Variants in UNC13C observed in about 807,000 individuals in gnomAD.
UNC13C encodes the protein protein unc-13 homolog C.
UNC13C carries 174 observed loss-of-function variants against 245.4 expected under a neutral mutation model. The ratio of observed to expected loss-of-function variants is 0.71; its 90% CI spans 0.63 to 0.80. The LOEUF is 0.80. Among genes scored for constraint, UNC13C ranks in the 30% least tolerant of loss-of-function variants. The probability of loss-of-function intolerance (pLI) is 0.00; values close to 1 mark genes in which losing one functional copy is unlikely to be tolerated. For missense variants in UNC13C, 2,829 were observed against 2,602.9 expected (o/e 1.09, Z -1.89); for synonymous variants, 992 against 895.1 (o/e 1.11, Z -1.93).
At chr15:53,995,724 AAAG>A (rs1440916985) in intron 1 of UNC13C, among the ~76,000 whole-genome samples, 1 of 152,138 alleles carries the variant, frequency 6.6e-6, no homozygotes, top group African/African-American at 2.4e-5. Context: ...AGACTGATTT[AAAG>A]AATGCCAAGT....
Position 54,036,932 on chromosome 15 carries a change from T to A in UNC13C, c.2983+21046T>A, listed in dbSNP as rs1896599550. 3.9e-5 allele frequency among the ~76,000 whole-genome samples: 6 copies of A among 152,236 alleles called. No homozygotes were observed. The South Asian group carries it at 1.2e-3, about 32-fold the overall frequency. On this transcript the variant is annotated intron_variant, in intron 2 of 32. Coordinates refer to ENST00000260323, the MANE Select transcript of UNC13C (RefSeq NM_001080534.3). ...GGGAGAGTCATTAAATGAATGGACC[T>A]TCTGCTCTTAAGTCACGAGAAGCAG...
chr15:54,172,751 T>C (rs1454008783), intron 4 of UNC13C, among the ~76,000 whole-genome samples: 1 of 96,212 alleles, frequency 1.0e-5, no homozygotes, highest in East Asian at 2.5e-4. Flanking sequence ...TATATATATA[T>C]ATATATATAT....
At chr15:54,437,236 G>A (rs1890267772) in intron 19 of UNC13C, among the ~76,000 whole-genome samples, 1 of 151,898 alleles carries the variant, frequency 6.6e-6, no homozygotes, top group Admixed American at 6.6e-5. Context: ...GGAAATACAT[G>A]TCCATCTTTA....
intron 26 of UNC13C, among the ~76,000 whole-genome samples, chr15:54,546,232 C>T (rs1312961880): frequency 6.6e-6 from 1 of 152,112 alleles, no homozygotes; most frequent in Non-Finnish European, 1.5e-5. Context: ...GAAAATGAAA[C>T]ACCGCATGTT....
At chr15:54,625,070 C>G (rs1328299970) in intron 32 of UNC13C, among the ~76,000 whole-genome samples, 1 of 152,020 alleles carries the variant, frequency 6.6e-6, no homozygotes, top group Non-Finnish European at 1.5e-5. Context: ...GTATACATTT[C>G]AAGTATACAT....
chr15:54,343,731 A>G (rs1335932927), intron 17 of UNC13C, among the ~76,000 whole-genome samples: 1 of 152,204 alleles, frequency 6.6e-6, no homozygotes, highest in Non-Finnish European at 1.5e-5. Flanking sequence ...GTACTATTAC[A>G]ATAGTTACAC....
chr15:54,221,010 C>T (rs977267986), intron 4 of UNC13C, among the ~76,000 whole-genome samples: 4 of 152,110 alleles, frequency 2.6e-5, no homozygotes, highest in South Asian at 2.1e-4. Flanking sequence ...ACGTCCCACA[C>T]GTTGACAATT....
At chr15:54,532,215 C>T (rs1895780421) in intron 25 of UNC13C, among the ~76,000 whole-genome samples, 1 of 152,150 alleles carries the variant, frequency 6.6e-6, no homozygotes, top group African/African-American at 2.4e-5. Context: ...GAGTTGTTCC[C>T]CTCCACGTGT....
chr15:54,605,918 A>T (rs541776993), intron 30 of UNC13C, among the ~76,000 whole-genome samples: 2 of 152,298 alleles, frequency 1.3e-5, no homozygotes, highest in East Asian at 3.9e-4. Flanking sequence ...GCAAACAGGG[A>T]AAATAAACTA....
At chr15:54,293,440 G>A (rs761370399) in intron 10 of UNC13C, among the ~76,000 whole-genome samples, 1 of 151,922 alleles carries the variant, frequency 6.6e-6, no homozygotes, top group Non-Finnish European at 1.5e-5. Context: ...GGGATTTTTA[G>A]TTTTTCAAGT....
chr15:54,338,535 G>A (rs2141005189), intron 17 of UNC13C, 46 bp downstream of exon 17: 2 of 1,599,656 alleles, frequency 1.3e-6, no homozygotes, highest in East Asian at 2.2e-5. Context: ...TTTGTTTCTA[G>A]TATCTGTTTC....
intron 2 of UNC13C, among the ~76,000 whole-genome samples, chr15:54,109,717 C>G (rs944879015): frequency 1.3e-4 from 20 of 152,096 alleles, no homozygotes; most frequent in African/African-American, 4.8e-4. Flanking sequence ...CTCATAAACC[C>G]TATACACATG....
chr15:54,353,744 A>G (rs2039034980), intron 17 of UNC13C, among the ~76,000 whole-genome samples: 2 of 152,120 alleles, frequency 1.3e-5, no homozygotes, highest in South Asian at 4.1e-4. Context: ...CTCTGACCTC[A>G]CTGACTGCTC....
intron 18 of UNC13C, among the ~76,000 whole-genome samples, chr15:54,414,653 A>C (rs543591161): frequency 4.7e-4 from 72 of 152,178 alleles, no homozygotes; most frequent in Non-Finnish European, 9.0e-4. Context: ...CTCAAAAAAA[A>C]AAGAAGAAGA....
At chr15:54,601,049 G>A (rs1899387374) in intron 30 of UNC13C, among the ~76,000 whole-genome samples, 1 of 150,634 alleles carries the variant, frequency 6.6e-6, no homozygotes, top group South Asian at 2.1e-4. Flanking sequence ...GAGTTAGGCT[G>A]TATTCAAAGC....
intron 10 of UNC13C, among the ~76,000 whole-genome samples, chr15:54,272,684 A>G (rs2036718486): frequency 6.6e-6 from 1 of 152,188 alleles, no homozygotes; most frequent in Non-Finnish European, 1.5e-5. Context: ...GGAAAATAAT[A>G]ATAACCAATT....
At chr15:54,538,294 G>C (rs138446406) in intron 26 of UNC13C, among the ~76,000 whole-genome samples, 1,657 of 151,932 alleles carry the variant, frequency 0.011, 18 homozygotes, top group Non-Finnish European at 0.017. Context: ...GCCACAATGA[G>C]ATACCATCTC....
intron 2 of UNC13C, among the ~76,000 whole-genome samples, chr15:54,088,892 C>T (rs149823959): frequency 1.2e-4 from 19 of 152,286 alleles, no homozygotes; most frequent in African/African-American, 4.6e-4. Flanking sequence ...CCTAATTTTA[C>T]ACTATTGAAA....
chr15:54,583,321 A>G (rs929545686), intron 30 of UNC13C, among the ~76,000 whole-genome samples: 2 of 152,220 alleles, frequency 1.3e-5, no homozygotes, highest in African/African-American at 4.8e-5. Flanking sequence ...AAATGAGAGC[A>G]TGTGTTTTAC....
Sources: allele counts gnomAD v4.1 joint callset (sites outside exome capture counted in the v4.1 genomes callset), GRCh38; gene constraint gnomAD v4.1.1; transcripts MANE v1.5; gene names NCBI Gene and HGNC (gene_info 2026-07-23, HGNC 2026-07-21).